The following VPS35L variants were observed in gnomAD, a reference collection of about 807,000 sequenced individuals.
VPS35L encodes VPS35 endosomal protein sorting factor like.
In VPS35L, 83 loss-of-function variants were observed where a neutral mutation model predicts 133.0. The ratio of observed to expected loss-of-function variants is 0.62; its 90% CI spans 0.52 to 0.75. The LOEUF is 0.75. Among genes scored for constraint, VPS35L ranks in the 30% least tolerant of loss-of-function variants. The pLI is 0.00. For missense variants in VPS35L, 1,083 were observed against 1,206.8 expected (o/e 0.90, Z 1.52); for synonymous variants, 423 against 449.9 (o/e 0.94, Z 0.76).
At chr16:19,616,301 T>A in intron 13 of VPS35L, 110 bp downstream of exon 13, 1 of 887,980 alleles carries the variant, frequency 1.1e-6, no homozygotes, top group South Asian at 1.6e-5. Flanking sequence ...TCTTTAAATG[T>A]GCAAGCCCTG....
chr16:19,674,195 T>C (rs1298559887), intron 27 of VPS35L, among the ~76,000 whole-genome samples: 2 of 134,964 alleles, frequency 1.5e-5, no homozygotes, highest in African/African-American at 3.0e-5. Context: ...TTTTTTTTTT[T>C]TTTTTTTTTT....
At chr16:19,594,287 G>A (rs992768565) in intron 8 of VPS35L, among the ~76,000 whole-genome samples, 2 of 152,156 alleles carry the variant, frequency 1.3e-5, no homozygotes, top group Non-Finnish European at 1.5e-5. Context: ...CAGATGGCCC[G>A]GAGAGGTGGT....
chr16:19,606,021 C>T (rs1182406890), intron 9 of VPS35L, among the ~76,000 whole-genome samples: 1 of 152,206 alleles, frequency 6.6e-6, no homozygotes, highest in Non-Finnish European at 1.5e-5. Flanking sequence ...TAAAGTCCCA[C>T]GTAACATAAT....
At chr16:19,573,059 G>GTA (rs1567390640) in intron 3 of VPS35L, 60 bp from the exon 4 acceptor site, 2 of 1,530,566 alleles carry the variant, frequency 1.3e-6, no homozygotes, top group African/African-American at 2.8e-5. Flanking sequence ...ATTTATATAT[G>GTA]TATATATTTA....
intron 8 of VPS35L, among the ~76,000 whole-genome samples, chr16:19,600,498 T>A (rs750363126): frequency 2.0e-5 from 3 of 152,164 alleles, no homozygotes; most frequent in Non-Finnish European, 4.4e-5. Flanking sequence ...GTGGCCACTT[T>A]TATGCTACAG....
At chr16:19,679,369 T>C (rs972524871) in intron 27 of VPS35L, among the ~76,000 whole-genome samples, 4 of 151,762 alleles carry the variant, frequency 2.6e-5, no homozygotes, top group African/African-American at 7.2e-5. Flanking sequence ...CCATCATAGC[T>C]TTCTGTAGCT....
At chr16:19,678,406 C>T (rs113429672) in intron 27 of VPS35L, among the ~76,000 whole-genome samples, 2,612 of 151,276 alleles carry the variant, frequency 0.017, 71 homozygotes, top group African/African-American at 0.06. Flanking sequence ...AATCCAGAAC[C>T]GTTTTCTTTG....
chr16:19,653,821 A>G (rs1567458708), intron 26 of VPS35L, among the ~76,000 whole-genome samples: 1 of 152,224 alleles, frequency 6.6e-6, no homozygotes, highest in Non-Finnish European at 1.5e-5. Flanking sequence ...TCATGATTCA[A>G]CTGGAGCAGC....
intron 1 of VPS35L, among the ~76,000 whole-genome samples, chr16:19,561,498 G>A (rs533142544): frequency 1.3e-4 from 20 of 152,308 alleles, no homozygotes; most frequent in South Asian, 4.1e-4. Context: ...AGCTCAATTC[G>A]TTTGTGCTGG....
chr16:19,647,756 C>G (rs747242811), intron 23 of VPS35L, 28 bp from the exon 24 acceptor site: 2 of 1,571,630 alleles, frequency 1.3e-6, no homozygotes, highest in East Asian at 2.2e-5. Context: ...ACCACTGTCC[C>G]TTTCAGCGTC....
At chr16:19,589,606 C>T (rs773342509) in intron 7 of VPS35L, among the ~76,000 whole-genome samples, 15 of 152,082 alleles carry the variant, frequency 9.9e-5, no homozygotes, top group African/African-American at 1.9e-4. Flanking sequence ...GTTTAGGAAG[C>T]GGCACCAAAG....
chr16:19,622,586 G>A (rs1208876748), intron 14 of VPS35L, among the ~76,000 whole-genome samples: 1 of 152,140 alleles, frequency 6.6e-6, no homozygotes, highest in Non-Finnish European at 1.5e-5. Context: ...CCGTGTCTAA[G>A]TGGATCCACG....
At chr16:19,555,788 C>G (rs777194425) in intron 1 of VPS35L, 42 bp downstream of exon 1, 3 of 1,539,674 alleles carry the variant, frequency 1.9e-6, no homozygotes, top group Admixed American at 2.1e-5. Flanking sequence ...AGGGGCTGTC[C>G]TTACTTGTGA....
At chr16:19,645,851 CTA>C (rs1172379199) in intron 23 of VPS35L, among the ~76,000 whole-genome samples, 1 of 152,254 alleles carries the variant, frequency 6.6e-6, no homozygotes, top group Non-Finnish European at 1.5e-5. Context: ...GTGATGGAAA[CTA>C]TGCCGGGCAG....
chr16:19,691,351 A>T lies in VPS35L; in HGVS notation c.2528-2A>T, dbSNP rs760374671. The T allele has an allele frequency of 1.2e-6, 2 of 1,611,050 alleles. No homozygotes were observed. Among genetic ancestry groups the T allele is most frequent in the Non-Finnish European group, 1.7e-6 (2 of 1,177,348 alleles). On this transcript the variant is annotated splice_acceptor_variant, in intron 28 of 30. Coordinates refer to ENST00000417362, the MANE Select transcript of VPS35L (RefSeq NM_020314.7). LOFTEE classifies it high-confidence loss of function. The stretch of plus-strand genomic sequence containing the variant: ...GTCTCACTGTTCTTGTTTGTTCAAC[A>T]GTGGACTCCAACGACAGCCTCTACG...
In VPS35L at chr16:19,603,565, C is replaced by T. The variant is rs552731019; in HGVS notation, c.784+1842C>T. Among the ~76,000 whole-genome samples, 17 of 152,212 alleles carry T rather than the reference C, an allele frequency of 1.1e-4. No homozygotes were observed. In the East Asian group the frequency reaches 1.2e-3, roughly 10 times the overall value. ...TGTGGTTTTTCTTTGGGACCCTCCA[C>T]GCCACTGCGTCACACCTGTGACGAT... is the stretch of plus-strand genomic sequence containing the variant. On this transcript the variant is annotated intron_variant, in intron 9 of 30. Transcript: ENST00000417362.
intron 24 of VPS35L, among the ~76,000 whole-genome samples, chr16:19,650,011 G>A (rs1211419954): frequency 1.3e-5 from 2 of 152,172 alleles, no homozygotes; most frequent in Non-Finnish European, 2.9e-5. Flanking sequence ...TCTAAATGGT[G>A]TGCTTTGGAG....
At chr16:19,584,950 T>C (rs1199869345) in intron 7 of VPS35L, among the ~76,000 whole-genome samples, 1 of 152,250 alleles carries the variant, frequency 6.6e-6, no homozygotes, top group Non-Finnish European at 1.5e-5. Context: ...TTCACATACT[T>C]GTTGGCTAAT....
At chr16:19,616,276 A>AG in intron 13 of VPS35L, 85 bp downstream of exon 13, 1 of 1,160,930 alleles carries the variant, frequency 8.6e-7, no homozygotes, top group Non-Finnish European at 1.3e-6. Flanking sequence ...TTCCAAGTGG[A>AG]GAATGCCTTA....
Sources: gnomAD v4.1 joint callset for allele counts (sites outside exome capture counted in the v4.1 genomes callset) on GRCh38, gnomAD v4.1.1 for gene constraint, MANE v1.5 for transcripts, NCBI Gene and HGNC (gene_info 2026-07-23, HGNC 2026-07-21) for gene names.